The following PRKCZ variants were observed in gnomAD, a reference collection of about 807,000 sequenced individuals.
PRKCZ encodes protein kinase C zeta.
A neutral mutation model predicts 79.5 loss-of-function variants in PRKCZ; 33 were observed. The observed-to-expected ratio is 0.41, with a 90% CI of 0.31 to 0.55. PRKCZ has a LOEUF of 0.55. Among genes scored for constraint, PRKCZ ranks in the 20% least tolerant of loss-of-function variants. The probability of loss-of-function intolerance (pLI) is 0.19; values close to 1 mark genes in which losing one functional copy is unlikely to be tolerated. For synonymous variants in PRKCZ, 342 were observed against 320.9 expected, an observed-to-expected ratio of 1.07 and a Z score of -0.70; for missense variants, 578 against 813.5, an observed-to-expected ratio of 0.71 and a Z score of 3.52.
Position 2,127,681 on chromosome 1 carries a change from G to A in PRKCZ, c.335-7581G>A, listed in dbSNP as rs1000963255. ...GGGGCTCCACACCAGGCAAATAGGCGAACGGCGTCTCCCGCGGCTCCCGGT... is the reference window on the plus strand; with the variant it reads ...GGGGCTCCACACCAGGCAAATAGGCAAACGGCGTCTCCCGCGGCTCCCGGT... On this transcript the variant is annotated intron_variant, in intron 4 of 17. Coordinates refer to ENST00000378567, the MANE Select transcript of PRKCZ (RefSeq NM_002744.6). The surrounding 1 kb of genome is among the most constrained non-coding windows in gnomAD (Gnocchi z 5.1). Among the ~76,000 whole-genome samples, 5 of 152,226 alleles carry A rather than the reference G, an allele frequency of 3.3e-5. No homozygotes were observed. Among genetic ancestry groups the A allele is most frequent in the Admixed American group, 2.6e-4 (4 of 15,294 alleles).
chr1:2,133,073 G>T (rs1243011441), intron 4 of PRKCZ, among the ~76,000 whole-genome samples: 1 of 152,214 alleles, frequency 6.6e-6, no homozygotes, highest in Non-Finnish European at 1.5e-5. Flanking sequence ...GAGGCTCCCT[G>T]ATGAGCCCTG....
At chr1:2,108,825 T>C (rs1199712367) in intron 4 of PRKCZ, among the ~76,000 whole-genome samples, 1 of 152,196 alleles carries the variant, frequency 6.6e-6, no homozygotes, top group Non-Finnish European at 1.5e-5. Flanking sequence ...AACACGCATT[T>C]GTTAGCTCAG....
At chr1:2,121,547 A>ACGGCG in intron 4 of PRKCZ, among the ~76,000 whole-genome samples, 103 of 11,930 alleles carry the variant, frequency 8.6e-3, no homozygotes, top group Admixed American at 0.015. Context: ...GGGTTATATC[A>ACGGCG]GTAGTTAGGG....
rs1264200141 is a variant in PRKCZ at position 2,121,626 on chromosome 1, AGGG to A, written c.335-13635_335-13633del. 4.1e-4 allele frequency among the ~76,000 whole-genome samples: 35 copies of A among 85,118 alleles called. 6 individuals are homozygous for A. Among genetic ancestry groups the A allele is most frequent in the African/African-American group, 9.8e-4 (28 of 28,428 alleles). 55.8% of individuals were successfully genotyped at this position (85,118 alleles called of 152,430 possible). A position where few individuals can be genotyped will look rare whatever the true frequency, so the allele number is the denominator to read the frequency against. On this transcript the variant is annotated intron_variant, in intron 4 of 17. Coordinates refer to ENST00000378567, the MANE Select transcript of PRKCZ (RefSeq NM_002744.6). Reference sequence around the variant, plus strand: ...AGTAATTAGGGTCATGGTGGTGGTTAGGGTCACAGTGGTAGTTAGGGTCACGGT... The same window carrying A: ...AGTAATTAGGGTCATGGTGGTGGTTATCACAGTGGTAGTTAGGGTCACGGT...
chr1:2,070,203 T>C (rs1661452482), intron 4 of PRKCZ, among the ~76,000 whole-genome samples: 1 of 151,984 alleles, frequency 6.6e-6, no homozygotes, highest in African/African-American at 2.4e-5. Flanking sequence ...ACAGCACAGA[T>C]GGCATACCCG....
At chr1:2,121,344 A>G (rs376025756) in intron 4 of PRKCZ, among the ~76,000 whole-genome samples, 3 of 152,154 alleles carry the variant, frequency 2.0e-5, no homozygotes, top group African/African-American at 7.2e-5. Flanking sequence ...CCGGAATGCT[A>G]TGGACTGAGT....
intron 4 of PRKCZ, chr1:2,134,680 A>G (rs987355254): frequency 3.9e-5 from 6 of 152,190 alleles, no homozygotes; most frequent in African/African-American, 1.4e-4. Flanking sequence ...TATTAGGTTA[A>G]AGGAAACTCG....
chr1:2,066,457 C>G (rs527533983), intron 4 of PRKCZ, among the ~76,000 whole-genome samples: 1 of 152,304 alleles, frequency 6.6e-6, no homozygotes, highest in African/African-American at 2.4e-5. Context: ...ATTCTCCTGC[C>G]TCAGCCTCCT....
chr1:2,140,831 G>A (rs558748147), intron 5 of PRKCZ, among the ~76,000 whole-genome samples: 21 of 152,332 alleles, frequency 1.4e-4, no homozygotes, highest in African/African-American at 4.8e-4. Flanking sequence ...AGCCGGACGT[G>A]GTGGCAGGTG....
intron 16 of PRKCZ, chr1:2,183,740 C>T (rs542455130): frequency 5.9e-5 from 9 of 152,632 alleles, no homozygotes; most frequent in Non-Finnish European, 1.3e-4. Flanking sequence ...AGGAAGGCCA[C>T]GTGTCCACAT....
intron 7 of PRKCZ, 98 bp from the exon 8 acceptor site, chr1:2,148,774 C>A: frequency 8.2e-7 from 1 of 1,214,844 alleles, no homozygotes. Context: ...CACCCTTCAC[C>A]GTCACCCTGC....
At chr1:2,102,396 A>ATG (rs1571380067) in intron 4 of PRKCZ, among the ~76,000 whole-genome samples, 1 of 151,226 alleles carries the variant, frequency 6.6e-6, no homozygotes, top group East Asian at 1.9e-4. Context: ...GCAGTGGTGC[A>ATG]ATCTTGGCTC....
At position 2,152,826 on chromosome 1, in the gene PRKCZ, C is replaced by T. The variant is rs868193369; in HGVS notation, c.876+1848C>T. On this transcript the variant is annotated intron_variant, in intron 9 of 17. Transcript: ENST00000378567. The stretch of plus-strand genomic sequence containing the variant: ...TGTGGCCGCTCGCTCAGGCCTTCCT[C>T]TCTCTGCCTGGCCGGGTAATGTTCC... 1.2e-4 allele frequency among the ~76,000 whole-genome samples: 18 copies of T among 152,374 alleles called. 1 individual carries two copies. The highest frequency in any genetic ancestry group is 6.8e-3 in the Middle Eastern group (2 of 294).
intron 4 of PRKCZ, among the ~76,000 whole-genome samples, chr1:2,081,149 A>G (rs1046749985): frequency 1.3e-5 from 2 of 152,196 alleles, no homozygotes; most frequent in African/African-American, 2.4e-5. Flanking sequence ...CGTGATGTCA[A>G]GTTTTGCACG....
intron 4 of PRKCZ, among the ~76,000 whole-genome samples, chr1:2,093,483 A>C (rs950611118): frequency 6.6e-6 from 1 of 152,116 alleles, no homozygotes; most frequent in African/African-American, 2.4e-5. Flanking sequence ...CCCAGTGTCC[A>C]CTTCTCTGGA....
chr1:2,135,364 G>A lies in PRKCZ; in HGVS notation c.420+17G>A, dbSNP rs555354404. 345 of 1,591,896 alleles carry A rather than the reference G, an allele frequency of 2.2e-4. No individual in the cohort carries two copies. Among genetic ancestry groups the A allele is most frequent in the Non-Finnish European group, 2.8e-4 (331 of 1,164,490 alleles). On this transcript the variant is annotated intron_variant, in intron 5 of 17. Coordinates refer to ENST00000378567, the MANE Select transcript of PRKCZ (RefSeq NM_002744.6). ...TTTAACAGGGTGAGTGGCCCCCTTGGGACTAGTCCCTCAAGGGGCCTTTTG... is the reference window on the plus strand; with the variant it reads ...TTTAACAGGGTGAGTGGCCCCCTTGAGACTAGTCCCTCAAGGGGCCTTTTG...
intron 4 of PRKCZ, among the ~76,000 whole-genome samples, chr1:2,086,312 C>T (rs1016882282): frequency 2.0e-5 from 3 of 152,098 alleles, no homozygotes; most frequent in Non-Finnish European, 4.4e-5. Flanking sequence ...CCTCTTGCCT[C>T]AGCCTCCCTA....
rs1480991917 is a variant in PRKCZ, at chr1:2,094,554, G to A, written c.334+34963G>A. On this transcript the variant is annotated intron_variant, in intron 4 of 17. Transcript: ENST00000378567. This position sits in a 1 kb window ranked among gnomAD's most constrained non-coding sequence, Gnocchi z 7.3. ...CCGTTCTGAGGCGCCCTCTGTGCCC[G>A]GCTCGATGAACCTTGGGCGCTGCCC... Among the ~76,000 whole-genome samples, 2 of 123,568 alleles carry A rather than the reference G, an allele frequency of 1.6e-5. No homozygotes were observed. The highest frequency in any genetic ancestry group is 2.8e-4 in the East Asian group (1 of 3,618). 81.1% of individuals were successfully genotyped at this position (123,568 alleles called of 152,430 possible).
At chr1:2,164,301 G>GACCCCTGGGCCA (rs3835419) in intron 10 of PRKCZ, among the ~76,000 whole-genome samples, 61,415 of 151,708 alleles carry the variant, frequency 0.4, 12,465 homozygotes, top group African/African-American at 0.45. Context: ...GAGAGACAGG[G>GACCCCTGGGCCA]ACCCTTTATT....
Sources: gnomAD v4.1 joint callset for allele counts (sites outside exome capture counted in the v4.1 genomes callset) on GRCh38, gnomAD v4.1.1 for gene constraint, Gnocchi (gnomAD v3.1) non-coding constraint, MANE v1.5 for transcripts, NCBI Gene and HGNC (gene_info 2026-07-23, HGNC 2026-07-21) for gene names.